The following NBEA variants were observed in gnomAD, a reference collection of about 807,000 sequenced individuals.
NBEA encodes neurobeachin, also known as lysosomal-trafficking regulator 2.
Under a neutral mutation model 343.4 loss-of-function variants are expected in NBEA, and 44 were observed. The observed-to-expected ratio is 0.13, with a 90% CI of 0.10 to 0.16. The LOEUF is 0.16. Ranked by LOEUF, NBEA falls within the 10% of genes least tolerant of loss-of-function variation. The pLI is 1.00. For missense variants in NBEA, 2,555 were observed against 3,631.3 expected (o/e 0.70, Z 7.62); for synonymous variants, 1,175 against 1,238.7 (o/e 0.95, Z 1.08).
intron 34 of NBEA, among the ~76,000 whole-genome samples, chr13:35,269,308 C>T (rs1157258226): frequency 6.6e-6 from 1 of 151,648 alleles, no homozygotes; most frequent in East Asian, 1.9e-4. Context: ...AAAAATAGGA[C>T]CTGAAGTGAA....
At chr13:35,122,473 A>G (rs1253567000) in intron 16 of NBEA, among the ~76,000 whole-genome samples, 1 of 151,490 alleles carries the variant, frequency 6.6e-6, no homozygotes, top group East Asian at 2.0e-4. Context: ...CGCTAGGACA[A>G]AAAACCAAAT....
chr13:35,408,441 G>A (rs116845109), intron 38 of NBEA, among the ~76,000 whole-genome samples: 42 of 152,220 alleles, frequency 2.8e-4, no homozygotes, highest in Admixed American at 5.9e-4. Flanking sequence ...CATTCAGGAC[G>A]TAGGCATGGG....
At chr13:35,120,499 A>G (rs1338642121) in intron 16 of NBEA, among the ~76,000 whole-genome samples, 1 of 152,226 alleles carries the variant, frequency 6.6e-6, no homozygotes, top group Non-Finnish European at 1.5e-5. Flanking sequence ...AAAGTGGCTA[A>G]CGAATTTATA....
intron 38 of NBEA, among the ~76,000 whole-genome samples, chr13:35,352,749 T>G (rs565764233): frequency 2.0e-5 from 3 of 152,072 alleles, no homozygotes; most frequent in Admixed American, 1.3e-4. Context: ...AGAAATAATA[T>G]GTTCTTTTAA....
chr13:35,142,735 C>T (rs1180240680), intron 18 of NBEA, among the ~76,000 whole-genome samples: 1 of 152,006 alleles, frequency 6.6e-6, no homozygotes, highest in Non-Finnish European at 1.5e-5. Flanking sequence ...CTCTCTCTTT[C>T]TGCTTCTATT....
intron 17 of NBEA, among the ~76,000 whole-genome samples, chr13:35,126,828 G>C (rs141071279): frequency 0.023 from 3,506 of 150,560 alleles, 58 homozygotes; most frequent in South Asian, 0.076. Flanking sequence ...TGAGGCAGGA[G>C]AATTGCTTCA....
At chr13:35,637,328 T>A (rs1291238809) in intron 49 of NBEA, among the ~76,000 whole-genome samples, 1 of 152,176 alleles carries the variant, frequency 6.6e-6, no homozygotes, top group Admixed American at 6.5e-5. Flanking sequence ...CTGGAAACTT[T>A]GTGCACCATT....
rs1472602939 is a variant in NBEA, at chr13:35,109,320, C to T, written c.1711C>T (p.Leu571=). 5.0e-6 allele frequency: 8 copies of T among 1,609,862 alleles called. No individual in the cohort carries two copies. The highest frequency in any genetic ancestry group is 2.2e-5 in the South Asian group (2 of 90,490). Residue 571 remains leucine, a synonymous_variant, in exon 12 of 59, where the codon CTG becomes TTG. Transcript: ENST00000379939. ...SSRVHITRAV[L]EQFLSFAKYL... Reference sequence around the variant, plus strand: ...AAGAGTTCATATAACTAGAGCTGTCCTGGAGCAATTTTTATCTTTTGCAAA... The same window carrying T: ...AAGAGTTCATATAACTAGAGCTGTCTTGGAGCAATTTTTATCTTTTGCAAA...
intron 45 of NBEA, among the ~76,000 whole-genome samples, chr13:35,574,957 C>T (rs2080660872): frequency 6.6e-6 from 1 of 151,998 alleles, no homozygotes; most frequent in African/African-American, 2.4e-5. Flanking sequence ...ACCATGTGGG[C>T]CAGGCTGCTC....
chr13:35,499,862 C>T (rs930869292), intron 41 of NBEA, among the ~76,000 whole-genome samples: 10 of 152,040 alleles, frequency 6.6e-5, no homozygotes, highest in Non-Finnish European at 1.0e-4. Flanking sequence ...GCTGTCTGCT[C>T]AGACAGTTTG....
chr13:35,400,741 G>A (rs1052039676), intron 38 of NBEA, among the ~76,000 whole-genome samples: 8 of 151,932 alleles, frequency 5.3e-5, no homozygotes, highest in Admixed American at 1.3e-4. Context: ...TGTTGGAATG[G>A]GATTCAGACT....
chr13:35,518,063 C>G (rs1444168656), intron 41 of NBEA, among the ~76,000 whole-genome samples: 2 of 152,032 alleles, frequency 1.3e-5, no homozygotes, highest in East Asian at 3.9e-4. Context: ...AATTTATTAT[C>G]ATAATAGTTA....
intron 38 of NBEA, among the ~76,000 whole-genome samples, chr13:35,384,718 G>A (rs556181914): frequency 5.3e-5 from 8 of 151,894 alleles, no homozygotes; most frequent in Non-Finnish European, 1.0e-4. Context: ...TAGAGACGGG[G>A]TTTCACCATG....
At chr13:35,301,024 A>G (rs549762016) in intron 35 of NBEA, among the ~76,000 whole-genome samples, 1 of 152,146 alleles carries the variant, frequency 6.6e-6, no homozygotes, top group African/African-American at 2.4e-5. Context: ...TAAAAACCAC[A>G]TGCAATCCTA....
At chr13:35,438,493 TGA>T (rs1371783805) in intron 39 of NBEA, among the ~76,000 whole-genome samples, 3 of 152,214 alleles carry the variant, frequency 2.0e-5, no homozygotes, top group Admixed American at 1.3e-4. Flanking sequence ...TTACAACATG[TGA>T]GAGAGATGAC....
chr13:35,007,487 A>G (rs966091357), intron 1 of NBEA, among the ~76,000 whole-genome samples: 1 of 151,790 alleles, frequency 6.6e-6, no homozygotes, highest in Non-Finnish European at 1.5e-5. Flanking sequence ...GAAATCTTCA[A>G]TCTTTTTTTG....
chr13:35,478,336 A>C (rs552675084), intron 41 of NBEA, among the ~76,000 whole-genome samples: 1 of 152,146 alleles, frequency 6.6e-6, no homozygotes, highest in African/African-American at 2.4e-5. Flanking sequence ...GGAACACCCA[A>C]AAAACCCCTC....
intron 18 of NBEA, 94 bp downstream of exon 18, chr13:35,142,471 C>A: frequency 1.4e-6 from 1 of 713,978 alleles, no homozygotes; most frequent in South Asian, 2.9e-5. Context: ...GTCTGTTAAT[C>A]TAAAAGCTAA....
intron 10 of NBEA, among the ~76,000 whole-genome samples, chr13:35,082,167 T>A (rs574576601): frequency 6.6e-6 from 1 of 152,028 alleles, no homozygotes; most frequent in East Asian, 1.9e-4. Context: ...ACATGCGGTG[T>A]TTGGTTTTTT....
Sources: allele counts gnomAD v4.1 joint callset (sites outside exome capture counted in the v4.1 genomes callset), GRCh38; gene constraint gnomAD v4.1.1; transcripts MANE v1.5; gene names NCBI Gene and HGNC (gene_info 2026-07-23, HGNC 2026-07-21).